C6orf89: variants seen among roughly 807,000 people sequenced by gnomAD.
C6orf89 encodes bombesin receptor-activated protein C6orf89.
C6orf89 carries 29 observed loss-of-function variants against 40.7 expected under a neutral mutation model. That is an observed-to-expected ratio of 0.71 (90% confidence interval 0.53 to 0.97). The LOEUF is 0.97. Among genes scored for constraint, C6orf89 ranks in the 50% least tolerant of loss-of-function variants. The pLI is 0.00. For missense variants in C6orf89, 392 were observed against 429.1 expected (o/e 0.91, Z 0.76); for synonymous variants, 165 against 152.2 (o/e 1.08, Z -0.62).
intron 1 of C6orf89, among the ~76,000 whole-genome samples, chr6:36,878,442 T>C (rs573337948): frequency 1.3e-5 from 2 of 152,340 alleles, no homozygotes; most frequent in African/African-American, 4.8e-5. Flanking sequence ...ATTCCTTATC[T>C]GTAAAATCTT....
Position 36,916,509 on chromosome 6 carries a change from T to TTTCC in C6orf89, c.761_764dup (p.Lys256SerfsTer21). ...TTTTCCTGTTTTCACTCACCTGCCATTTCCAAAAGATGCCTCTTTAAACAA... is the reference window on the plus strand; with the variant it reads ...TTTTCCTGTTTTCACTCACCTGCCATTTCCTTCCAAAAGATGCCTCTTTAAACAA... On this transcript the variant is annotated frameshift_variant, in exon 7 of 9. Coordinates refer to ENST00000480824, the MANE Select transcript of C6orf89 (RefSeq NM_001286635.2). LOFTEE classifies it high-confidence loss of function. The TTTCC allele has an allele frequency of 5.0e-6, 8 of 1,614,216 alleles. No homozygotes were observed. Among genetic ancestry groups the TTTCC allele is most frequent in the Non-Finnish European group, 6.8e-6 (8 of 1,180,022 alleles).
At chr6:36,896,616 G>GT (rs529806367) in intron 2 of C6orf89, among the ~76,000 whole-genome samples, 337 of 152,132 alleles carry the variant, frequency 2.2e-3, no homozygotes, top group African/African-American at 7.8e-3. Flanking sequence ...AATTTTTGAG[G>GT]TTTTTCCCCT....
At chr6:36,907,046 C>G (rs185154976) in intron 4 of C6orf89, among the ~76,000 whole-genome samples, 11 of 152,040 alleles carry the variant, frequency 7.2e-5, no homozygotes, top group African/African-American at 2.7e-4. Flanking sequence ...TCCTGCCTTC[C>G]TCCCTCCTTC....
chr6:36,889,229 G>A (rs1022602181), intron 1 of C6orf89, among the ~76,000 whole-genome samples: 30 of 152,164 alleles, frequency 2.0e-4, no homozygotes, highest in Non-Finnish European at 3.5e-4. Context: ...GGTCAGATAA[G>A]GTAATAACTG....
chr6:36,916,331 A>G (rs182353602), intron 6 of C6orf89, 114 bp from the exon 7 acceptor site: 9 of 1,222,960 alleles, frequency 7.4e-6, no homozygotes, highest in East Asian at 7.0e-5. Context: ...CTGTACTCAT[A>G]TTTTTCCCTC....
chr6:36,884,724 G>A (rs1774916469), upstream of C6orf89, among the ~76,000 whole-genome samples: 3 of 151,982 alleles, frequency 2.0e-5, no homozygotes, highest in South Asian at 6.2e-4. This position sits in a 1 kb window ranked among gnomAD's most constrained non-coding sequence, Gnocchi z 4.0. Flanking sequence ...CAAAATCATG[G>A]GAGGCCATTA....
rs928760576 is a variant in C6orf89 at position 36,922,340 on chromosome 6, C to CA, written c.950-996dup. Among the ~76,000 whole-genome samples the CA allele has an allele frequency of 5.3e-3, 687 of 128,456 alleles. 4 individuals are homozygous for CA. The highest frequency in any genetic ancestry group is 0.028 in the Middle Eastern group (7 of 246). The allele number at this position is 128,456 out of a possible 152,430, so 84.3% of individuals were successfully genotyped here. On this transcript the variant is annotated intron_variant, in intron 8 of 8. Transcript: ENST00000480824. ...GGGCAACAAGAGTGAAACTCCGTCT[C>CA]AAAAAAAAAAAGAAAGAAAAAAAGA... is the stretch of plus-strand genomic sequence containing the variant.
At position 36,914,565 on chromosome 6, in the gene C6orf89, C is replaced by T; in HGVS notation, c.567C>T (p.Pro189=). The change falls in exon 6 of 9, where the codon CCC becomes CCT. Residue 189 remains proline (P), a synonymous_variant. Coordinates refer to ENST00000480824, the MANE Select transcript of C6orf89 (RefSeq NM_001286635.2). The part of the protein sequence containing the change: ...LHPLVIKTGK[P]LLEEEIQHFL... The stretch of plus-strand genomic sequence containing the variant: ...CCTGCCTTGCCAAGACGGGAAAGCC[C>T]CTGTTGGAGGAAGAGATTCAGCATT... The T allele has an allele frequency of 6.2e-7, 1 of 1,614,126 alleles. No individual in the cohort carries two copies. Among genetic ancestry groups the T allele is most frequent in the Non-Finnish European group, 8.5e-7 (1 of 1,179,948 alleles).
intron 4 of C6orf89, among the ~76,000 whole-genome samples, chr6:36,904,008 T>C (rs187652655): frequency 2.0e-5 from 3 of 152,206 alleles, no homozygotes; most frequent in Non-Finnish European, 4.4e-5. Flanking sequence ...TTCAAAGTGT[T>C]TGGAGGAAAC....
intron 1 of C6orf89, among the ~76,000 whole-genome samples, chr6:36,877,200 A>G (rs1325847879): frequency 6.6e-6 from 1 of 152,144 alleles, no homozygotes; most frequent in Non-Finnish European, 1.5e-5. Context: ...TGCGATGGAT[A>G]TTTTGTGTAT....
At chr6:36,911,709 A>C (rs1262959856) in intron 4 of C6orf89, among the ~76,000 whole-genome samples, 1 of 152,116 alleles carries the variant, frequency 6.6e-6, no homozygotes, top group Non-Finnish European at 1.5e-5. Flanking sequence ...AAAGTGTCAT[A>C]ATAAATCTGC....
chr6:36,882,713 C>CTTTTTTTTTTTTT (rs1168220528), upstream of C6orf89, among the ~76,000 whole-genome samples: 5 of 115,444 alleles, frequency 4.3e-5, no homozygotes, highest in Non-Finnish European at 9.5e-5. Context: ...TTGTCATTTT[C>CTTTTTTTTTTTTT]TTTTTTTTTT....
At chr6:36,890,319 C>CTCCTGCAACCACCAT (rs1761149846) in intron 1 of C6orf89, among the ~76,000 whole-genome samples, 1 of 152,124 alleles carries the variant, frequency 6.6e-6, no homozygotes, top group African/African-American at 2.4e-5. Context: ...TGCCTGCAGC[C>CTCCTGCAACCACCAT]TCCTGCAACC....
intron 1 of C6orf89, among the ~76,000 whole-genome samples, chr6:36,887,851 G>T (rs890037045): frequency 3.9e-5 from 6 of 152,098 alleles, no homozygotes; most frequent in African/African-American, 1.4e-4. Flanking sequence ...CCAAGTAGCT[G>T]GGACTACAGG....
intron 2 of C6orf89, among the ~76,000 whole-genome samples, chr6:36,895,775 T>C (rs6900666): frequency 0.041 from 6,189 of 152,304 alleles, 400 homozygotes; most frequent in African/African-American, 0.14. Flanking sequence ...ATTACTTCCA[T>C]TTGGGGGCTG....
At chr6:36,884,820 C>G (rs1444212428), upstream of C6orf89, among the ~76,000 whole-genome samples, 1 of 152,096 alleles carries the variant, frequency 6.6e-6, no homozygotes, top group Admixed American at 6.5e-5. The surrounding 1 kb of genome is among the most constrained non-coding windows in gnomAD (Gnocchi z 4.0). Flanking sequence ...CATAATCAAA[C>G]CAAGGCTTTA....
intron 1 of C6orf89, among the ~76,000 whole-genome samples, chr6:36,878,538 C>T (rs2150667771): frequency 6.6e-6 from 1 of 152,296 alleles, no homozygotes; most frequent in African/African-American, 2.4e-5. Context: ...GATGAAGTGG[C>T]TCCATGAATT....
rs1367841831 is a variant in C6orf89 at position 36,925,076 on chromosome 6, C to G, written c.*1635C>G. 1.3e-5 allele frequency: 2 copies of G among 152,024 alleles called. No homozygotes were observed. Among genetic ancestry groups the G allele is most frequent in the African/African-American group, 2.4e-5 (1 of 41,372 alleles). The allele number at this position is 152,024 out of a possible 1,614,324, so 9.4% of individuals were successfully genotyped here. ...GTACCTGAGGGAATTTTTTCTTAAT[C>G]AACCCCTTGTGTGGATGAATACAGG... On this transcript the variant is annotated 3_prime_UTR_variant, in exon 9 of 9. Transcript: ENST00000480824.
Position 36,901,862 on chromosome 6 carries a change from G to A in C6orf89, c.190-359G>A, listed in dbSNP as rs988956321. Among the ~76,000 whole-genome samples, 11 of 138,496 alleles carry A rather than the reference G, an allele frequency of 7.9e-5. No homozygotes were observed. In the South Asian group the frequency reaches 1.6e-3, roughly 21 times the overall value. 90.9% of individuals were successfully genotyped at this position (138,496 alleles called of 152,430 possible). A position where few individuals can be genotyped will look rare whatever the true frequency, so the allele number is the denominator to read the frequency against. ...ATTTTTTTGTATTTTTAGTAGAGAC[G>A]GGGTTTCACCGTGTTAGCCAGGATG... On this transcript the variant is annotated intron_variant, in intron 3 of 8. Coordinates refer to ENST00000480824, the MANE Select transcript of C6orf89 (RefSeq NM_001286635.2).
Sources: gnomAD v4.1 joint callset for allele counts (sites outside exome capture counted in the v4.1 genomes callset) on GRCh38, gnomAD v4.1.1 for gene constraint, Gnocchi (gnomAD v3.1) non-coding constraint, MANE v1.5 for transcripts, NCBI Gene and HGNC (gene_info 2026-07-23, HGNC 2026-07-21) for gene names.